MEGF11: variants seen among roughly 807,000 people sequenced by gnomAD.
The protein encoded by MEGF11 is multiple EGF like domains 11, also known as multiple epidermal growth factor-like domains protein 11.
A neutral mutation model predicts 146.6 loss-of-function variants in MEGF11; 126 were observed. That is an observed-to-expected ratio of 0.86 (90% CI 0.74 to 1.00). The LOEUF (loss-of-function observed/expected upper bound fraction) is 1.00, where lower values mean the gene tolerates loss of function less well. MEGF11 is among the 50% of genes least tolerant of loss of function. The pLI, the probability that MEGF11 is intolerant of heterozygous loss-of-function variation, is 0.00. For synonymous variants in MEGF11, 532 were observed against 583.4 expected (o/e 0.91, Z 1.27); for missense variants, 1,509 against 1,521.2 (o/e 0.99, Z 0.13).
At chr15:65,949,549 A>G (rs1251038117) in intron 10 of MEGF11, among the ~76,000 whole-genome samples, 1 of 152,158 alleles carries the variant, frequency 6.6e-6, no homozygotes, top group African/African-American at 2.4e-5. Flanking sequence ...GGGGAGAAAT[A>G]TGGGCCCCAA....
chr15:65,918,963 T>G (rs2079088412), intron 15 of MEGF11, among the ~76,000 whole-genome samples: 1 of 152,214 alleles, frequency 6.6e-6, no homozygotes, highest in East Asian at 1.9e-4. Context: ...CCTCAGTGGA[T>G]TCCCCATCGC....
chr15:65,961,308 C>T (rs941739898), intron 9 of MEGF11, among the ~76,000 whole-genome samples: 3 of 151,984 alleles, frequency 2.0e-5, no homozygotes, highest in Non-Finnish European at 4.4e-5. Context: ...TCCCATTTCC[C>T]CCAGACATAG....
rs189059921 is a variant in MEGF11 at position 66,045,180 on chromosome 15, G to C, written c.394+49222C>G. Among the ~76,000 whole-genome samples, 704 of 152,344 alleles carry C rather than the reference G, an allele frequency of 4.6e-3. 6 individuals carry two copies. The highest frequency in any genetic ancestry group is 0.016 in the African/African-American group (670 of 41,574). ...CCCAGGGCGGTTGGCCTTCATGAGA[G>C]ATTCAGCAATCCAGGCATTTCTGTT... On this transcript the variant is annotated intron_variant, in intron 5 of 25. Transcript: ENST00000395614.
chr15:65,927,367 G>A (rs539725953), intron 13 of MEGF11, among the ~76,000 whole-genome samples: 71 of 152,292 alleles, frequency 4.7e-4, no homozygotes, highest in African/African-American at 1.5e-3. Flanking sequence ...CTTAACTACC[G>A]TGTTATCCAT....
At position 66,082,978 on chromosome 15, in the gene MEGF11, G is replaced by A. The variant is rs1433153083; in HGVS notation, c.394+11424C>T. Among the ~76,000 whole-genome samples, 5 of 152,268 alleles carry A rather than the reference G, an allele frequency of 3.3e-5. No individual in the cohort carries two copies. The East Asian group carries it at 9.7e-4, about 29-fold the overall frequency. ...GTCCCAGGCCAGGGGCAGGGACCCAGGCCCCCATCCTATACCTCTGCTTTG... is the reference window on the plus strand; with the variant it reads ...GTCCCAGGCCAGGGGCAGGGACCCAAGCCCCCATCCTATACCTCTGCTTTG... On this transcript the variant is annotated intron_variant, in intron 5 of 25. Coordinates refer to ENST00000395614, the MANE Select transcript of MEGF11 (RefSeq NM_001385028.1).
At chr15:65,973,185 C>A (rs937714303) in intron 7 of MEGF11, among the ~76,000 whole-genome samples, 13 of 151,308 alleles carry the variant, frequency 8.6e-5, no homozygotes, top group Admixed American at 1.3e-4. Flanking sequence ...GGGACTGCAA[C>A]AGAAGACAGA....
chr15:66,112,917 A>G (rs1222721858), intron 4 of MEGF11, among the ~76,000 whole-genome samples: 2 of 152,272 alleles, frequency 1.3e-5, no homozygotes, highest in Admixed American at 6.5e-5. Flanking sequence ...AGAACTTTCA[A>G]GAAGAATGAG....
intron 1 of MEGF11, among the ~76,000 whole-genome samples, chr15:66,230,200 TG>T (rs1166544762): frequency 6.6e-6 from 1 of 152,188 alleles, no homozygotes; most frequent in Non-Finnish European, 1.5e-5. Context: ...GGAAAGCCTC[TG>T]GCTACATACT....
chr15:66,230,788 GT>G (rs999392725), intron 1 of MEGF11, among the ~76,000 whole-genome samples: 1 of 152,170 alleles, frequency 6.6e-6, no homozygotes, highest in Non-Finnish European at 1.5e-5. Flanking sequence ...ATTGTAAAGA[GT>G]TTTTAAAAAC....
chr15:65,976,485 G>A (rs771350661), intron 7 of MEGF11, among the ~76,000 whole-genome samples: 13 of 152,214 alleles, frequency 8.5e-5, no homozygotes, highest in Non-Finnish European at 1.5e-4. Context: ...TACAAGAAGA[G>A]GAGACTAAGA....
chr15:66,174,056 T>C (rs927375769), intron 1 of MEGF11, among the ~76,000 whole-genome samples: 2 of 152,354 alleles, frequency 1.3e-5, no homozygotes, highest in Non-Finnish European at 1.5e-5. Context: ...ATGGGTTGTC[T>C]GCTCACCACT....
At chr15:66,151,136 C>T (rs753561743) in intron 1 of MEGF11, among the ~76,000 whole-genome samples, 1 of 152,140 alleles carries the variant, frequency 6.6e-6, no homozygotes, top group Non-Finnish European at 1.5e-5. Flanking sequence ...AGAGGAGTGT[C>T]CTGACCAGCT....
chr15:66,110,285 T>C (rs1048440051), intron 4 of MEGF11, among the ~76,000 whole-genome samples: 1 of 152,236 alleles, frequency 6.6e-6, no homozygotes, highest in East Asian at 1.9e-4. Flanking sequence ...CATTTCTCAT[T>C]GCAAATGAAT....
chr15:66,171,700 C>T (rs1047147586), intron 1 of MEGF11, among the ~76,000 whole-genome samples: 4 of 151,532 alleles, frequency 2.6e-5, no homozygotes, highest in South Asian at 2.1e-4. Context: ...CCCCACGCAA[C>T]GCTCCCTCCT....
chr15:66,137,202 T>C (rs981945707), intron 1 of MEGF11, among the ~76,000 whole-genome samples: 4 of 152,258 alleles, frequency 2.6e-5, no homozygotes, highest in Non-Finnish European at 5.9e-5. Flanking sequence ...TTAATAATAT[T>C]GGTCATCTTT....
chr15:65,904,206 T>G (rs2078564320), intron 24 of MEGF11, among the ~76,000 whole-genome samples: 1 of 152,222 alleles, frequency 6.6e-6, no homozygotes, highest in African/African-American at 2.4e-5. Flanking sequence ...GCTTGAGTCA[T>G]GCGTGTTCTT....
At chr15:66,068,182 T>C (rs1411260939) in intron 5 of MEGF11, among the ~76,000 whole-genome samples, 1 of 152,200 alleles carries the variant, frequency 6.6e-6, no homozygotes, top group Admixed American at 6.5e-5. Context: ...TGAGCCCCAA[T>C]AGGGCAGGGA....
At chr15:66,211,261 C>G (rs1013540052) in intron 1 of MEGF11, among the ~76,000 whole-genome samples, 1 of 152,230 alleles carries the variant, frequency 6.6e-6, no homozygotes, top group Non-Finnish European at 1.5e-5. Flanking sequence ...TGGTGGCTCA[C>G]GCCTGTAATC....
At chr15:65,944,410 T>C (rs2080116415) in intron 10 of MEGF11, among the ~76,000 whole-genome samples, 1 of 152,024 alleles carries the variant, frequency 6.6e-6, no homozygotes, top group Non-Finnish European at 1.5e-5. Flanking sequence ...TTCGAGGGAA[T>C]GGGCAGACTG....
Sources: allele counts gnomAD v4.1 joint callset (sites outside exome capture counted in the v4.1 genomes callset), GRCh38; gene constraint gnomAD v4.1.1; transcripts MANE v1.5; gene names NCBI Gene and HGNC (gene_info 2026-07-23, HGNC 2026-07-21).